The following CENPL variants were observed in gnomAD, a reference collection of about 807,000 sequenced individuals.
CENPL encodes interphase centromere complex protein 33.
In CENPL, 20 loss-of-function variants were observed where a neutral mutation model predicts 35.2. The ratio of observed to expected loss-of-function variants is 0.57; its 90% CI spans 0.40 to 0.83. CENPL has a LOEUF of 0.83. Among genes scored for constraint, CENPL ranks in the 40% least tolerant of loss-of-function variants. The probability of loss-of-function intolerance (pLI) is 0.00; values close to 1 mark genes in which losing one functional copy is unlikely to be tolerated. For missense variants in CENPL, 363 were observed against 395.8 expected, an observed-to-expected ratio of 0.92 and a Z score of 0.70; for synonymous variants, 140 against 140.6, an observed-to-expected ratio of 1.00 and a Z score of 0.03.
At chr1:173,822,236 A>G (rs1652025076) in intron 2 of CENPL, 1 of 152,182 alleles carries the variant, frequency 6.6e-6, no homozygotes, top group Non-Finnish European at 1.5e-5. Context: ...TGTTTTTGCC[A>G]AAACCATGGC....
At position 173,803,055 on chromosome 1, in the gene CENPL, A is replaced by C. The variant is rs1368440798; in HGVS notation, c.871T>G (p.Phe291Val). The C allele has an allele frequency of 6.2e-7, 1 of 1,613,828 alleles. No individual in the cohort carries two copies. The highest frequency in any genetic ancestry group is 1.1e-5 in the South Asian group (1 of 91,072). ...DLFMDCLYSH[F>V]HRHFKIHLSA... ...AAATGAATTTTGAAATGTCTATGGA[A>C]ATGTGAATAAAGGCAATCCATGAAT... Residue 291 changes from phenylalanine (F) to valine (V), a missense_variant, in exon 5 of 6, where the codon TTC (phenylalanine) becomes GTC (valine). Transcript: ENST00000682279.
intron 4 of CENPL, among the ~76,000 whole-genome samples, chr1:173,804,102 C>T (rs1219387996): frequency 6.6e-6 from 1 of 152,184 alleles, no homozygotes; most frequent in Non-Finnish European, 1.5e-5. Flanking sequence ...AAAAACCCCT[C>T]AACTTTAGAA....
chr1:173,811,725 G>C lies in CENPL; in HGVS notation c.-7-419C>G, dbSNP rs550696587. Among the ~76,000 whole-genome samples, 4 of 152,278 alleles carry C rather than the reference G, an allele frequency of 2.6e-5. No individual in the cohort carries two copies. The East Asian group carries it at 7.7e-4, about 29-fold the overall frequency. On this transcript the variant is annotated intron_variant, in intron 2 of 5. Coordinates refer to ENST00000682279, the MANE Select transcript of CENPL (RefSeq NM_001387287.1). ...AAGATGGCTGAATAGGAACAGCTCC[G>C]GTCTGCAGCTCCCAGCATGATCGAT...
At chr1:173,820,817 T>C (rs1330728284) in intron 2 of CENPL, among the ~76,000 whole-genome samples, 1 of 152,176 alleles carries the variant, frequency 6.6e-6, no homozygotes, top group African/African-American at 2.4e-5. Context: ...TTTCATACAT[T>C]TAACATTTTT....
At chr1:173,816,228 G>C (rs923707002) in intron 2 of CENPL, among the ~76,000 whole-genome samples, 2 of 152,168 alleles carry the variant, frequency 1.3e-5, no homozygotes, top group African/African-American at 4.8e-5. Context: ...TGGATAGGAA[G>C]AATCAATATC....
At chr1:173,808,005 C>T (rs987215987) in intron 3 of CENPL, among the ~76,000 whole-genome samples, 2 of 152,098 alleles carry the variant, frequency 1.3e-5, no homozygotes, top group Admixed American at 1.3e-4. Context: ...AATAAGTGTT[C>T]AATAAATATT....
At chr1:173,802,645 A>G (rs1649859504) in intron 5 of CENPL, among the ~76,000 whole-genome samples, 1 of 152,228 alleles carries the variant, frequency 6.6e-6, no homozygotes, top group South Asian at 2.1e-4. Context: ...AATTTTGTCT[A>G]ACACAAAATT....
intron 2 of CENPL, among the ~76,000 whole-genome samples, chr1:173,815,156 T>C (rs1420194679): frequency 2.0e-5 from 3 of 152,118 alleles, no homozygotes; most frequent in Non-Finnish European, 4.4e-5. Flanking sequence ...AATCACTGAA[T>C]AGAACAATAA....
At chr1:173,817,231 G>A (rs991960370) in intron 2 of CENPL, among the ~76,000 whole-genome samples, 5 of 151,786 alleles carry the variant, frequency 3.3e-5, no homozygotes, top group Non-Finnish European at 5.9e-5. Flanking sequence ...TACAGAATGG[G>A]AGAAAATTTT....
At chr1:173,810,997 T>C (rs1406911153) in intron 3 of CENPL, 135 bp downstream of exon 3, 1 of 690,274 alleles carries the variant, frequency 1.4e-6, no homozygotes, top group Admixed American at 2.6e-5. Flanking sequence ...CGTTATGAAA[T>C]TGTTTCTTTC....
At chr1:173,815,302 C>T (rs920120346) in intron 2 of CENPL, among the ~76,000 whole-genome samples, 4 of 152,066 alleles carry the variant, frequency 2.6e-5, no homozygotes, top group African/African-American at 4.8e-5. Context: ...TTCCAATCAA[C>T]AGAAAAAGAG....
chr1:173,812,869 A>C (rs55973243), intron 2 of CENPL, among the ~76,000 whole-genome samples: 34,740 of 152,062 alleles, frequency 0.23, 4,423 homozygotes, highest in Middle Eastern at 0.39. Context: ...GTAATAACAA[A>C]CTTCTCAGAG....
At chr1:173,807,144 A>G in intron 4 of CENPL, 123 bp downstream of exon 4, 1 of 723,778 alleles carries the variant, frequency 1.4e-6, no homozygotes, top group East Asian at 3.1e-5. Context: ...ATGATTTTGT[A>G]CACAAACTAC....
intron 4 of CENPL, among the ~76,000 whole-genome samples, chr1:173,804,015 T>C: frequency 6.6e-6 from 1 of 152,108 alleles, no homozygotes; most frequent in East Asian, 1.9e-4. Context: ...TGGCAAAATC[T>C]TGGTGTAACC....
intron 3 of CENPL, among the ~76,000 whole-genome samples, chr1:173,810,580 A>C (rs780335768): frequency 2.0e-5 from 3 of 152,322 alleles, no homozygotes; most frequent in Non-Finnish European, 4.4e-5. Context: ...TAAAATACAT[A>C]AAAACTCCTC....
At chr1:173,816,271 T>C (rs948331628) in intron 2 of CENPL, among the ~76,000 whole-genome samples, 34 of 152,160 alleles carry the variant, frequency 2.2e-4, no homozygotes, top group Admixed American at 1.8e-3. Flanking sequence ...AGGTAATTTA[T>C]AGATTCAGTG....
intron 4 of CENPL, among the ~76,000 whole-genome samples, chr1:173,804,140 C>T (rs1650008225): frequency 6.6e-6 from 1 of 152,210 alleles, no homozygotes; most frequent in South Asian, 2.1e-4. Flanking sequence ...CAAAATCTAA[C>T]ATGTTTGAAT....
chr1:173,814,170 C>T (rs1183412790), intron 2 of CENPL, among the ~76,000 whole-genome samples: 2 of 152,068 alleles, frequency 1.3e-5, no homozygotes, highest in African/African-American at 4.8e-5. Context: ...CAGGAGCACC[C>T]AGATTCATAA....
At chr1:173,802,334 G>A (rs549578865) in intron 5 of CENPL, among the ~76,000 whole-genome samples, 1 of 151,878 alleles carries the variant, frequency 6.6e-6, no homozygotes, top group Non-Finnish European at 1.5e-5. Context: ...GCCTCCCCCA[G>A]TAGCTGGGAC....
Sources: allele counts gnomAD v4.1 joint callset (sites outside exome capture counted in the v4.1 genomes callset), GRCh38; gene constraint gnomAD v4.1.1; transcripts MANE v1.5; gene names NCBI Gene and HGNC (gene_info 2026-07-23, HGNC 2026-07-21).